The following CSMD1 variants were observed in gnomAD, a reference collection of about 807,000 sequenced individuals.
The protein encoded by CSMD1 is CUB and Sushi multiple domains 1.
Under a neutral mutation model 417.5 loss-of-function variants are expected in CSMD1, and 213 were observed. The observed-to-expected ratio is 0.51, with a 90% confidence interval of 0.46 to 0.57. The LOEUF is 0.57. CSMD1 is among the 20% of genes least tolerant of loss of function. The pLI is 0.00. For synonymous variants in CSMD1, 2,862 were observed against 1,736.8 expected (o/e 1.65, Z -16.11); for missense variants, 6,923 against 4,529.7 (o/e 1.53, Z -15.17).
chr8:4,817,213 T>C (rs1438071150), intron 1 of CSMD1, among the ~76,000 whole-genome samples: 2 of 152,230 alleles, frequency 1.3e-5, no homozygotes, highest in Admixed American at 6.5e-5. Flanking sequence ...TATATGTATA[T>C]GATTTTAACC....
chr8:4,220,156 G>A (rs1800940463), intron 3 of CSMD1, among the ~76,000 whole-genome samples: 1 of 152,088 alleles, frequency 6.6e-6, no homozygotes, highest in Non-Finnish European at 1.5e-5. Context: ...TTGCCATGTC[G>A]GCCAAGCTCG....
intron 5 of CSMD1, among the ~76,000 whole-genome samples, chr8:3,916,656 G>A (rs916279537): frequency 9.2e-5 from 14 of 152,074 alleles, no homozygotes; most frequent in African/African-American, 2.9e-4. Flanking sequence ...CAGGCAACCC[G>A]GATGTATTCA....
chr8:4,032,249 G>A (rs1797387063), intron 3 of CSMD1, 150 bp from the exon 4 acceptor site: 2 of 592,570 alleles, frequency 3.4e-6, no homozygotes, highest in Non-Finnish European at 5.8e-6. Context: ...AAAATAAACT[G>A]AGAAAATGTC....
intron 2 of CSMD1, among the ~76,000 whole-genome samples, chr8:4,523,993 C>G (rs1003776344): frequency 6.6e-6 from 1 of 152,040 alleles, no homozygotes; most frequent in Non-Finnish European, 1.5e-5. Flanking sequence ...TCAAATGGGT[C>G]CCTATGTTAG....
At chr8:3,656,852 G>A (rs1395423706) in intron 7 of CSMD1, among the ~76,000 whole-genome samples, 2 of 151,952 alleles carry the variant, frequency 1.3e-5, no homozygotes, top group Non-Finnish European at 2.9e-5. Flanking sequence ...TTGTCCCTGG[G>A]TGGCAGAGGT....
intron 27 of CSMD1, among the ~76,000 whole-genome samples, chr8:3,225,991 G>A (rs1240703142): frequency 1.3e-5 from 2 of 152,188 alleles, no homozygotes; most frequent in Non-Finnish European, 2.9e-5. Flanking sequence ...TATCCACTAT[G>A]CTCAACAGCA....
At chr8:4,431,323 C>T (rs1314448341) in intron 2 of CSMD1, among the ~76,000 whole-genome samples, 1 of 152,038 alleles carries the variant, frequency 6.6e-6, no homozygotes, top group East Asian at 1.9e-4. Context: ...TCGTGATTTT[C>T]TTAAGGGTGA....
At chr8:3,736,308 C>G (rs1256210299) in intron 6 of CSMD1, among the ~76,000 whole-genome samples, 1 of 152,012 alleles carries the variant, frequency 6.6e-6, no homozygotes, top group South Asian at 2.1e-4. Flanking sequence ...GTGGGGCAAT[C>G]ACGACTCACT....
chr8:3,083,484 G>C (rs1419070323), intron 49 of CSMD1, among the ~76,000 whole-genome samples: 2 of 148,240 alleles, frequency 1.3e-5, no homozygotes, highest in Non-Finnish European at 3.0e-5. Flanking sequence ...ATATTTTTGA[G>C]GCAGTCATCA....
At position 4,513,908 on chromosome 8, in the gene CSMD1, T is replaced by G. The variant is rs953402260; in HGVS notation, c.303-93843A>C. On this transcript the variant is annotated intron_variant, in intron 2 of 69. Transcript: ENST00000635120. ...CAGTGGTTCCTAGGTATTGCTAATT[T>G]GAAGTGTGATGTCAAATTTCTCAAA... Among the ~76,000 whole-genome samples, 5 of 152,288 alleles carry G rather than the reference T, an allele frequency of 3.3e-5. No homozygotes were observed. The South Asian group carries it at 8.3e-4, about 25-fold the overall frequency.
At chr8:3,756,628 T>A (rs1278745468) in intron 5 of CSMD1, among the ~76,000 whole-genome samples, 2 of 152,170 alleles carry the variant, frequency 1.3e-5, no homozygotes, top group Non-Finnish European at 2.9e-5. Flanking sequence ...TTCCATTTCA[T>A]ATGGTGATAG....
chr8:3,763,409 C>A (rs1390001275), intron 5 of CSMD1, among the ~76,000 whole-genome samples: 2 of 152,082 alleles, frequency 1.3e-5, no homozygotes, highest in Non-Finnish European at 2.9e-5. Context: ...AGTTCTCACT[C>A]TTAGTTTACT....
intron 1 of CSMD1, among the ~76,000 whole-genome samples, chr8:4,726,841 A>G (rs1381206876): frequency 6.6e-6 from 1 of 152,230 alleles, no homozygotes; most frequent in East Asian, 1.9e-4. Context: ...GAAGATGCAA[A>G]TGACCTGAAA....
At chr8:3,891,774 G>A (rs1021538194) in intron 5 of CSMD1, among the ~76,000 whole-genome samples, 1 of 151,982 alleles carries the variant, frequency 6.6e-6, no homozygotes, top group Non-Finnish European at 1.5e-5. Flanking sequence ...GCTTCATAAC[G>A]TCATTACTAT....
At chr8:3,761,725 C>T (rs749579345) in intron 5 of CSMD1, among the ~76,000 whole-genome samples, 1 of 152,008 alleles carries the variant, frequency 6.6e-6, no homozygotes, top group Non-Finnish European at 1.5e-5. Flanking sequence ...AGGCTGGTCT[C>T]GAACTTCTGA....
intron 12 of CSMD1, among the ~76,000 whole-genome samples, chr8:3,425,881 G>C (rs1022499204): frequency 7.2e-5 from 11 of 152,208 alleles, no homozygotes; most frequent in African/African-American, 2.6e-4. Flanking sequence ...GACCACAAAA[G>C]ATTTTAGTGT....
chr8:4,917,485 T>G (rs1554519242), intron 1 of CSMD1, among the ~76,000 whole-genome samples: 1 of 151,956 alleles, frequency 6.6e-6, no homozygotes, highest in Non-Finnish European at 1.5e-5. Context: ...ATACAAAAAA[T>G]TAGCCGGGCA....
At chr8:3,876,335 T>G (rs748231573) in intron 5 of CSMD1, among the ~76,000 whole-genome samples, 3 of 152,192 alleles carry the variant, frequency 2.0e-5, no homozygotes, top group African/African-American at 7.2e-5. Flanking sequence ...AAGCCCAGGA[T>G]GACTGTTGTG....
chr8:3,651,770 G>A (rs962851821), intron 7 of CSMD1, among the ~76,000 whole-genome samples: 21 of 150,966 alleles, frequency 1.4e-4, no homozygotes, highest in East Asian at 2.0e-4. Context: ...CCAACAGAGC[G>A]CCTACCACCA....
Sources: gnomAD v4.1 joint callset for allele counts (sites outside exome capture counted in the v4.1 genomes callset) on GRCh38, gnomAD v4.1.1 for gene constraint, MANE v1.5 for transcripts, NCBI Gene and HGNC (gene_info 2026-07-23, HGNC 2026-07-21) for gene names.